ST7L: variants seen among roughly 807,000 people sequenced by gnomAD.
The protein encoded by ST7L is suppressor of tumorigenicity 7 protein-like.
Under a neutral mutation model 72.5 loss-of-function variants are expected in ST7L, and 57 were observed. That is an observed-to-expected ratio of 0.79 (90% CI 0.64 to 0.98). The LOEUF (loss-of-function observed/expected upper bound fraction) is 0.98. Ranked by LOEUF, ST7L falls within the 50% of genes least tolerant of loss-of-function variation. The pLI is 0.00. For synonymous variants in ST7L, 221 were observed against 240.9 expected, an observed-to-expected ratio of 0.92 and a Z score of 0.77; for missense variants, 576 against 672.2, an observed-to-expected ratio of 0.86 and a Z score of 1.58.
At chr1:112,560,289 G>C (rs1659899251) in intron 11 of ST7L, among the ~76,000 whole-genome samples, 1 of 152,026 alleles carries the variant, frequency 6.6e-6, no homozygotes, top group South Asian at 2.1e-4. Flanking sequence ...AGCTATTCGG[G>C]AGGCTGAGAC....
At chr1:112,522,545 GTCC>G (rs1468928722), downstream of ST7L, 2 of 152,222 alleles carry the variant, frequency 1.3e-5, no homozygotes, top group African/African-American at 2.4e-5. Context: ...ATCCCTTGGG[GTCC>G]TCATGTTTTT....
intron 13 of ST7L, among the ~76,000 whole-genome samples, chr1:112,545,918 T>C (rs1656963076): frequency 6.6e-6 from 1 of 152,200 alleles, no homozygotes; most frequent in Non-Finnish European, 1.5e-5. Context: ...GGAAGATATA[T>C]GAGGACCGCT....
At chr1:112,567,503 A>G (rs1031569379) in intron 11 of ST7L, among the ~76,000 whole-genome samples, 1 of 152,120 alleles carries the variant, frequency 6.6e-6, no homozygotes, top group African/African-American at 2.4e-5. Context: ...ATTGCCTTCT[A>G]TGTCCTAGGA....
chr1:112,550,517 A>C (rs1360488034), intron 13 of ST7L, 84 bp downstream of exon 13: 1 of 1,017,480 alleles, frequency 9.8e-7, no homozygotes, highest in Non-Finnish European at 1.5e-6. Context: ...TTTAAACCAA[A>C]GGCATTTTTA....
chr1:112,616,967 A>G (rs2101090612), intron 1 of ST7L, 72 bp from the exon 2 acceptor site: 1 of 1,039,794 alleles, frequency 9.6e-7, no homozygotes, highest in Non-Finnish European at 1.5e-6. Flanking sequence ...ATATGCAAGT[A>G]TCTTTATGAG....
intron 11 of ST7L, among the ~76,000 whole-genome samples, chr1:112,571,677 C>T (rs976872133): frequency 1.3e-5 from 2 of 152,168 alleles, no homozygotes; most frequent in Non-Finnish European, 2.9e-5. Context: ...CCACCCGCTT[C>T]GGCCTCCCAA....
Position 112,542,109 on chromosome 1 carries a change from A to G in ST7L, c.1490-19T>C, listed in dbSNP as rs1355068919. Reference sequence around the variant, plus strand: ...TGAAAGGCTGCAATGGAGAATAGGTAAGAATCAATTTTATTTCAGAATAAC... The same window carrying G: ...TGAAAGGCTGCAATGGAGAATAGGTGAGAATCAATTTTATTTCAGAATAAC... On this transcript the variant is annotated intron_variant, in intron 13 of 14. Coordinates refer to ENST00000358039, the MANE Select transcript of ST7L (RefSeq NM_017744.5). 6.4e-7 allele frequency: 1 copy of G among 1,570,446 alleles called. No homozygotes were observed. Among genetic ancestry groups the G allele is most frequent in the Non-Finnish European group, 8.6e-7 (1 of 1,159,572 alleles).
the ST7L span, chr1:112,518,337 G>C: frequency 1.3e-5 from 2 of 152,202 alleles, no homozygotes; most frequent in Admixed American, 6.5e-5. Flanking sequence ...TACAGGCTCA[G>C]CGTCAGGACT....
chr1:112,574,720 A>G (rs930936024), intron 11 of ST7L, among the ~76,000 whole-genome samples: 1 of 152,128 alleles, frequency 6.6e-6, no homozygotes, highest in Non-Finnish European at 1.5e-5. Flanking sequence ...AAGGGAGGAA[A>G]TAAACATAAT....
At chr1:112,556,776 T>C (rs1329323757) in intron 11 of ST7L, among the ~76,000 whole-genome samples, 1 of 151,944 alleles carries the variant, frequency 6.6e-6, no homozygotes, top group African/African-American at 2.4e-5. Context: ...GAGATCATCC[T>C]GACCAACATG....
chr1:112,575,964 T>C (rs1321764609), intron 11 of ST7L, among the ~76,000 whole-genome samples: 2 of 152,230 alleles, frequency 1.3e-5, no homozygotes, highest in Non-Finnish European at 2.9e-5. Context: ...CTCTTTACTG[T>C]AGCTCTTTAG....
At chr1:112,559,177 A>G (rs7535636) in intron 11 of ST7L, among the ~76,000 whole-genome samples, 32,768 of 152,186 alleles carry the variant, frequency 0.22, 3,741 homozygotes, top group Middle Eastern at 0.26. Context: ...AAGCAAAGAT[A>G]TTCAGTTAAC....
intron 14 of ST7L, among the ~76,000 whole-genome samples, chr1:112,539,430 T>C (rs113018767): frequency 3.7e-4 from 56 of 151,792 alleles, no homozygotes; most frequent in Middle Eastern, 3.4e-3. Flanking sequence ...CCAAGGTGGG[T>C]TGATCACTTG....
intron 14 of ST7L, among the ~76,000 whole-genome samples, chr1:112,532,002 A>G (rs1654465366): frequency 6.6e-6 from 1 of 152,134 alleles, no homozygotes; most frequent in Non-Finnish European, 1.5e-5. Flanking sequence ...TGTTTTTTAA[A>G]GGTGGTATTA....
intron 2 of ST7L, among the ~76,000 whole-genome samples, chr1:112,613,563 G>A (rs1425743804): frequency 6.6e-6 from 1 of 151,918 alleles, no homozygotes; most frequent in African/African-American, 2.4e-5. Flanking sequence ...AAATCCAGGT[G>A]GTAAAAGAAA....
At position 112,578,556 on chromosome 1, in the gene ST7L, A is replaced by G. The variant is rs938516105; in HGVS notation, c.1070-139T>C. ...TTAGGGAGGCTGAGGCGGGTGGATC[A>G]TGAGGTCAGGAGTTCAAGACCGGCC... On this transcript the variant is annotated intron_variant, in intron 9 of 14. Coordinates refer to ENST00000358039, the MANE Select transcript of ST7L (RefSeq NM_017744.5). 131 of 724,660 alleles carry G rather than the reference A, an allele frequency of 1.8e-4. No homozygotes were observed. In the African/African-American group the frequency reaches 1.9e-3, roughly 10 times the overall value. The allele number at this position is 724,660 out of a possible 1,614,324, so 44.9% of individuals were successfully genotyped here.
chr1:112,614,012 G>C (rs943582955), intron 2 of ST7L, among the ~76,000 whole-genome samples: 1 of 152,034 alleles, frequency 6.6e-6, no homozygotes, highest in Non-Finnish European at 1.5e-5. Context: ...GTACAGACAC[G>C]AGACACCACA....
chr1:112,555,086 C>A, intron 12 of ST7L, among the ~76,000 whole-genome samples: 1 of 152,056 alleles, frequency 6.6e-6, no homozygotes, highest in South Asian at 2.1e-4. Context: ...TATGAATGTA[C>A]ATAATGCCAC....
At chr1:112,617,980 C>A (rs1452632692) in intron 1 of ST7L, 2 of 1,303,482 alleles carry the variant, frequency 1.5e-6, no homozygotes, top group Non-Finnish European at 2.0e-6. Context: ...TCCAAAAAAA[C>A]CAAAATATTT....
Sources: gnomAD v4.1 joint callset for allele counts (sites outside exome capture counted in the v4.1 genomes callset) on GRCh38, gnomAD v4.1.1 for gene constraint, MANE v1.5 for transcripts, NCBI Gene and HGNC (gene_info 2026-07-23, HGNC 2026-07-21) for gene names.